KPNA7: variants seen among roughly 807,000 people sequenced by gnomAD.
KPNA7 encodes importin subunit alpha-8.
Under a neutral mutation model 53.7 loss-of-function variants are expected in KPNA7, and 54 were observed. That is an observed-to-expected ratio of 1.01 (90% CI 0.81 to 1.26). The LOEUF (loss-of-function observed/expected upper bound fraction) is 1.26. Ranked by LOEUF, KPNA7 falls within the 50% of genes most tolerant of loss-of-function variation. The pLI, the probability that KPNA7 is intolerant of heterozygous loss-of-function variation, is 0.00. For synonymous variants in KPNA7, 276 were observed against 259.3 expected (o/e 1.06, Z -0.62); for missense variants, 640 against 644.5 (o/e 0.99, Z 0.07).
chr7:99,184,659 A>G (rs2150724140), intron 8 of KPNA7, among the ~76,000 whole-genome samples: 1 of 152,342 alleles, frequency 6.6e-6, no homozygotes, highest in East Asian at 1.9e-4. Flanking sequence ...ACATAAGCCA[A>G]TATTTACTAG....
intron 1 of KPNA7, among the ~76,000 whole-genome samples, chr7:99,215,316 G>A (rs975275675): frequency 1.4e-5 from 2 of 139,592 alleles, no homozygotes; most frequent in African/African-American, 2.6e-5. Context: ...AGGTTGCAGT[G>A]AGCTGAGATG....
the KPNA7 span, among the ~76,000 whole-genome samples, chr7:99,159,563 A>G: frequency 4.0e-3 from 610 of 152,178 alleles, 2 homozygotes; most frequent in African/African-American, 0.014. Context: ...CACATTGCCA[A>G]TTCCACCCCA....
the KPNA7 span, among the ~76,000 whole-genome samples, chr7:99,145,899 A>G: frequency 1.3e-5 from 2 of 152,148 alleles, no homozygotes; most frequent in East Asian, 1.9e-4. Context: ...GGTCATTTCT[A>G]TGGCACCTTG....
intron 2 of KPNA7, among the ~76,000 whole-genome samples, chr7:99,205,112 T>C (rs17161620): frequency 0.025 from 3,786 of 151,990 alleles, 352 homozygotes; most frequent in East Asian, 0.2. Context: ...ATTGTTGGAA[T>C]AGGTTACTGT....
At chr7:99,212,230 G>C (rs1046423583), upstream of KPNA7, among the ~76,000 whole-genome samples, 3 of 130,578 alleles carry the variant, frequency 2.3e-5, no homozygotes, top group Non-Finnish European at 4.7e-5. Context: ...ATCCACATGT[G>C]TCCTTTTTTT....
At chr7:99,180,630 CGTCTCTCTCTCCGTCTCT>C (rs1371382346) in intron 9 of KPNA7, among the ~76,000 whole-genome samples, 2 of 74,858 alleles carry the variant, frequency 2.7e-5, no homozygotes, top group Admixed American at 1.2e-4. Context: ...TCTCTCTCCC[CGTCTCTCTCTCCGTCTCT>C]GTCTCTCTCT....
chr7:99,160,025 T>TTTTG, the KPNA7 span, among the ~76,000 whole-genome samples: 11 of 89,342 alleles, frequency 1.2e-4, no homozygotes, highest in Non-Finnish European at 2.0e-4. Context: ...TTGTTTTTTT[T>TTTTG]TTTTTTTTTT....
intron 10 of KPNA7, 64 bp from the exon 11 acceptor site, chr7:99,173,858 G>T (rs1045444008): frequency 4.1e-6 from 4 of 974,994 alleles, no homozygotes; most frequent in African/African-American, 3.3e-5. Flanking sequence ...CTGCACATTT[G>T]GCAAGATGCA....
At chr7:99,182,237 G>A (rs999662945) in intron 8 of KPNA7, among the ~76,000 whole-genome samples, 172 bp from the exon 9 acceptor site, 29 of 151,964 alleles carry the variant, frequency 1.9e-4, no homozygotes, top group African/African-American at 5.8e-4. Flanking sequence ...TCACTCTGTC[G>A]CCCAGGCTGG....
At chr7:99,147,299 G>A in the KPNA7 span, among the ~76,000 whole-genome samples, 2 of 152,170 alleles carry the variant, frequency 1.3e-5, no homozygotes, top group African/African-American at 2.4e-5. Flanking sequence ...GAGACATCTC[G>A]AGTCACAGAT....
the KPNA7 span, among the ~76,000 whole-genome samples, chr7:99,167,981 T>TCCCCCCC: frequency 4.4e-5 from 6 of 137,646 alleles, no homozygotes; most frequent in Non-Finnish European, 6.1e-5. Context: ...CCCAAACCAT[T>TCCCCCCC]CCCCCACCCC....
chr7:99,160,017 G>GGTTTTTTTTTTTTTTTTTTTTT, the KPNA7 span, among the ~76,000 whole-genome samples: 1 of 67,662 alleles, frequency 1.5e-5, no homozygotes, highest in Non-Finnish European at 2.8e-5. Flanking sequence ...TGTTGTTTTT[G>GGTTTTTTTTTTTTTTTTTTTTT]TTTTTTTTTT....
In KPNA7 at chr7:99,193,099, C is replaced by T. The variant is rs1000114036; in HGVS notation, c.556G>A (p.Asp186Asn). 2.0e-6 allele frequency: 3 copies of T among 1,486,026 alleles called. No homozygotes were observed. 92.1% of individuals were successfully genotyped at this position (1,486,026 alleles called of 1,614,324 possible). Residue 186 changes from aspartate (D) to asparagine (N), a missense_variant and splice_region_variant, in exon 6 of 11, where the codon GAT (aspartate) becomes AAT (asparagine). Transcript: ENST00000327442. ...AVWALGNIAG[D>N]GPEFRDNVIT... ...ACGTTATCTCTGAACTCTGGGCCAT[C>T]ACCTACAAATAGAGCAGAATGTGAC...
chr7:99,190,543 C>T (rs548910704), intron 6 of KPNA7, among the ~76,000 whole-genome samples: 3 of 152,062 alleles, frequency 2.0e-5, no homozygotes, highest in Non-Finnish European at 4.4e-5. Flanking sequence ...AAAACTTTTT[C>T]GGTAAAGGGC....
At chr7:99,151,458 G>GTT in the KPNA7 span, among the ~76,000 whole-genome samples, 71,936 of 147,130 alleles carry the variant, frequency 0.49, 20,123 homozygotes, top group East Asian at 0.64. Flanking sequence ...TTTGTTTTTG[G>GTT]TTTTTTTTTT....
chr7:99,165,032 T>C, the KPNA7 span, among the ~76,000 whole-genome samples: 1 of 152,098 alleles, frequency 6.6e-6, no homozygotes, highest in African/African-American at 2.4e-5. Context: ...TCCCAGCTAC[T>C]CAGGAGGCTG....
the KPNA7 span, among the ~76,000 whole-genome samples, chr7:99,166,918 T>C: frequency 6.6e-6 from 1 of 152,210 alleles, no homozygotes; most frequent in Non-Finnish European, 1.5e-5. Flanking sequence ...ATGCCCAGTC[T>C]AGTTACTCCC....
At chr7:99,202,978 C>T (rs1390212400) in intron 3 of KPNA7, 128 bp downstream of exon 3, 2 of 1,142,480 alleles carry the variant, frequency 1.8e-6, no homozygotes, top group Non-Finnish European at 2.5e-6. Context: ...ACCATAATCT[C>T]TTCACTCCTT....
At chr7:99,213,004 T>C (rs73405106), upstream of KPNA7, among the ~76,000 whole-genome samples, 3,338 of 152,242 alleles carry the variant, frequency 0.022, 115 homozygotes, top group African/African-American at 0.075. Context: ...GGATCATCAG[T>C]TGAACCAAAA....
Sources: allele counts gnomAD v4.1 joint callset (sites outside exome capture counted in the v4.1 genomes callset), GRCh38; gene constraint gnomAD v4.1.1; transcripts MANE v1.5; gene names NCBI Gene and HGNC (gene_info 2026-07-23, HGNC 2026-07-21).